Variants in CRB1 observed in about 807,000 individuals in gnomAD.
The protein encoded by CRB1 is crumbs cell polarity complex component 1, also known as protein crumbs homolog 1.
In CRB1, 83 loss-of-function variants were observed where a neutral mutation model predicts 120.0. That is an observed-to-expected ratio of 0.69 (90% CI 0.58 to 0.83). The LOEUF (loss-of-function observed/expected upper bound fraction) is 0.83. Among genes scored for constraint, CRB1 ranks in the 40% least tolerant of loss-of-function variants. The pLI, the probability that CRB1 is intolerant of heterozygous loss-of-function variation, is 0.00. For missense variants in CRB1, 1,699 were observed against 1,687.6 expected, an observed-to-expected ratio of 1.01 and a Z score of -0.12; for synonymous variants, 625 against 612.5, an observed-to-expected ratio of 1.02 and a Z score of -0.30.
chr1:197,415,798 A>G (rs566304362), intron 5 of CRB1, among the ~76,000 whole-genome samples: 1 of 151,158 alleles, frequency 6.6e-6, no homozygotes, highest in African/African-American at 2.4e-5. Context: ...GCCCACCACC[A>G]CACCTGGCTA....
intron 5 of CRB1, among the ~76,000 whole-genome samples, chr1:197,390,773 A>G (rs569053144): frequency 1.3e-5 from 2 of 152,178 alleles, no homozygotes; most frequent in South Asian, 4.1e-4. Flanking sequence ...TCCTCATCCC[A>G]TGAAAAAGAT....
At chr1:197,461,738 T>C (rs531879631) in intron 11 of CRB1, among the ~76,000 whole-genome samples, 3 of 152,264 alleles carry the variant, frequency 2.0e-5, no homozygotes, top group South Asian at 2.1e-4. Context: ...CATGAATCTG[T>C]AGAGCTTTCC....
intron 5 of CRB1, among the ~76,000 whole-genome samples, chr1:197,371,783 G>A (rs953306374): frequency 6.6e-6 from 1 of 152,072 alleles, no homozygotes. Flanking sequence ...ACATCAAGTT[G>A]GGGAATTCAT....
intron 11 of CRB1, among the ~76,000 whole-genome samples, chr1:197,468,638 A>G (rs111287553): frequency 6.6e-6 from 1 of 152,138 alleles, no homozygotes; most frequent in East Asian, 1.9e-4. Flanking sequence ...CAGAGTAACA[A>G]ATAGTCATGC....
the CRB1 span, among the ~76,000 whole-genome samples, chr1:197,219,822 C>G: frequency 2.0e-5 from 3 of 152,206 alleles, no homozygotes; most frequent in African/African-American, 7.2e-5. Flanking sequence ...TCTTTTACTT[C>G]CTGTAAGTCA....
the CRB1 span, among the ~76,000 whole-genome samples, chr1:197,230,066 A>G: frequency 1.3e-5 from 2 of 152,218 alleles, no homozygotes; most frequent in African/African-American, 4.8e-5. Flanking sequence ...TTTCATCCTC[A>G]CAACACTCTA....
intron 5 of CRB1, among the ~76,000 whole-genome samples, chr1:197,370,610 T>A (rs1280324236): frequency 3.9e-5 from 6 of 152,174 alleles, no homozygotes; most frequent in Non-Finnish European, 8.8e-5. Flanking sequence ...AAAAATTCCT[T>A]GAACTGAATG....
At chr1:197,281,418 T>C (rs1244470232) in intron 1 of CRB1, among the ~76,000 whole-genome samples, 1 of 151,916 alleles carries the variant, frequency 6.6e-6, no homozygotes. Context: ...TAGTCAGGAC[T>C]GTTGACAACC....
intron 11 of CRB1, among the ~76,000 whole-genome samples, chr1:197,454,801 C>A (rs188995028): frequency 6.6e-6 from 1 of 152,224 alleles, no homozygotes; most frequent in East Asian, 1.9e-4. Context: ...CTTACGGAAA[C>A]CGGTTTTTAA....
the CRB1 span, among the ~76,000 whole-genome samples, chr1:197,212,082 C>G: frequency 6.6e-6 from 1 of 152,106 alleles, no homozygotes; most frequent in East Asian, 1.9e-4. Flanking sequence ...TGAGATACCA[C>G]TATACATCCA....
At chr1:197,379,805 A>C (rs1000254455) in intron 5 of CRB1, among the ~76,000 whole-genome samples, 1 of 152,182 alleles carries the variant, frequency 6.6e-6, no homozygotes, top group Non-Finnish European at 1.5e-5. Flanking sequence ...TGCACTGGGT[A>C]AGCTTTGGCA....
chr1:197,472,808 G>A lies in CRB1; in HGVS notation c.4006-4856G>A, dbSNP rs563686507. 7.9e-5 allele frequency among the ~76,000 whole-genome samples: 12 copies of A among 152,236 alleles called. No homozygotes were observed. The South Asian group carries it at 2.5e-3, about 32-fold the overall frequency. On this transcript the variant is annotated intron_variant, in intron 11 of 11. Transcript: ENST00000367400. ...AAGCGCCTCCTTGTTCACAAGGATG[G>A]CCCTGAGTGGATGGTAGGAGTTCTG...
At chr1:197,403,581 T>C (rs1480473979) in intron 5 of CRB1, among the ~76,000 whole-genome samples, 1 of 152,192 alleles carries the variant, frequency 6.6e-6, no homozygotes, top group Admixed American at 6.5e-5. Flanking sequence ...GTGGTAGATA[T>C]CTGAGTTCTT....
intron 5 of CRB1, among the ~76,000 whole-genome samples, chr1:197,398,303 T>G (rs1471271524): frequency 6.6e-6 from 1 of 152,190 alleles, no homozygotes; most frequent in African/African-American, 2.4e-5. Flanking sequence ...TAGAATACCT[T>G]TCTCATTTTC....
At chr1:197,288,894 A>G (rs1000996074) in intron 1 of CRB1, among the ~76,000 whole-genome samples, 17 of 151,762 alleles carry the variant, frequency 1.1e-4, no homozygotes, top group African/African-American at 4.1e-4. Flanking sequence ...TCCCTGAAAA[A>G]GAGAGTGAGA....
chr1:197,253,598 T>C, the CRB1 span, among the ~76,000 whole-genome samples: 1 of 152,098 alleles, frequency 6.6e-6, no homozygotes, highest in Non-Finnish European at 1.5e-5. Flanking sequence ...CACATGAATG[T>C]TTACATCAGC....
In CRB1 at chr1:197,421,132, G is replaced by T. The variant is rs1296758524; in HGVS notation, c.1304G>T (p.Gly435Val). 1 of 1,614,170 alleles carries T rather than the reference G, an allele frequency of 6.2e-7. No homozygotes were observed. Among genetic ancestry groups the T allele is most frequent in the Non-Finnish European group, 8.5e-7 (1 of 1,180,000 alleles). ...AACCTTTCTAGAACTTTTTATGGAG[G>T]AAGGGACTGTTCTGATATTCTCCTG... ...FDNLSRTFYG[G>V]RDCSDILLGC... The change falls in exon 6 of 12, where the codon GGA (glycine) becomes GTA (valine). Residue 435 changes from glycine to valine, a missense_variant. Coordinates refer to ENST00000367400, the MANE Select transcript of CRB1 (RefSeq NM_201253.3).
chr1:197,426,569 A>G (rs763044678), intron 6 of CRB1, among the ~76,000 whole-genome samples: 2 of 152,010 alleles, frequency 1.3e-5, no homozygotes, highest in African/African-American at 4.8e-5. Flanking sequence ...TTTTATTTTT[A>G]TACATCTCAA....
intron 5 of CRB1, 43 bp from the exon 6 acceptor site, chr1:197,420,957 A>T (rs1279029062): frequency 5.8e-6 from 7 of 1,201,108 alleles, no homozygotes; most frequent in Non-Finnish European, 8.7e-6. Context: ...TCTATTTTTG[A>T]TGTGAATATA....
Sources: allele counts gnomAD v4.1 joint callset (sites outside exome capture counted in the v4.1 genomes callset), GRCh38; gene constraint gnomAD v4.1.1; transcripts MANE v1.5; gene names NCBI Gene and HGNC (gene_info 2026-07-23, HGNC 2026-07-21).